SEC23A: variants seen among roughly 807,000 people sequenced by gnomAD.
SEC23A encodes the protein SEC23 homolog A, COPII component.
A neutral mutation model predicts 103.7 loss-of-function variants in SEC23A; 56 were observed. The observed-to-expected ratio is 0.54, with a 90% CI of 0.44 to 0.67. The LOEUF (loss-of-function observed/expected upper bound fraction) is 0.67. Ranked by LOEUF, SEC23A falls within the 30% of genes least tolerant of loss-of-function variation. The pLI is 0.00. For synonymous variants in SEC23A, 281 were observed against 293.0 expected, an observed-to-expected ratio of 0.96 and a Z score of 0.42; for missense variants, 784 against 936.4, an observed-to-expected ratio of 0.84 and a Z score of 2.12.
At chr14:39,047,816 T>C (rs1414861820) in intron 15 of SEC23A, among the ~76,000 whole-genome samples, 1 of 152,230 alleles carries the variant, frequency 6.6e-6, no homozygotes, top group Admixed American at 6.5e-5. Flanking sequence ...TAAAGTTCCC[T>C]GCACACAGCA....
chr14:39,072,869 T>G (rs778283662), intron 9 of SEC23A, among the ~76,000 whole-genome samples: 1 of 152,162 alleles, frequency 6.6e-6, no homozygotes, highest in Non-Finnish European at 1.5e-5. Context: ...GTGGAGAAAC[T>G]GGAATCCTCA....
chr14:39,071,041 A>G (rs1886825325), intron 9 of SEC23A, among the ~76,000 whole-genome samples: 2 of 152,146 alleles, frequency 1.3e-5, no homozygotes, highest in Admixed American at 6.5e-5. Flanking sequence ...AAAAGAAAAA[A>G]AAAAGACTAA....
Position 39,067,826 on chromosome 14 carries a change from G to A in SEC23A, c.1104-530C>T, listed in dbSNP as rs934060129. Among the ~76,000 whole-genome samples the A allele has an allele frequency of 3.3e-5, 5 of 151,662 alleles. No homozygotes were observed. In the East Asian group the frequency reaches 7.7e-4, roughly 23 times the overall value. ...GCTGGACTACAGGTTGCACCAACAC[G>A]CCCAGCTAATTTTTTTGTTTTTTTG... On this transcript the variant is annotated intron_variant, in intron 9 of 19. Coordinates refer to ENST00000307712, the MANE Select transcript of SEC23A (RefSeq NM_006364.4).
At chr14:39,054,861 A>G (rs984389024) in intron 14 of SEC23A, among the ~76,000 whole-genome samples, 3 of 152,252 alleles carry the variant, frequency 2.0e-5, no homozygotes, top group African/African-American at 4.8e-5. Context: ...ATATAGAATT[A>G]AATTGGGAAC....
intron 14 of SEC23A, among the ~76,000 whole-genome samples, chr14:39,053,361 A>G (rs1214136156): frequency 6.6e-6 from 1 of 152,148 alleles, no homozygotes; most frequent in African/African-American, 2.4e-5. Context: ...CTACAAAGAG[A>G]AACTTTTCTG....
intron 11 of SEC23A, among the ~76,000 whole-genome samples, chr14:39,064,132 T>A (rs547269400): frequency 1.3e-5 from 2 of 152,202 alleles, no homozygotes; most frequent in East Asian, 3.9e-4. Context: ...TACGAACACA[T>A]GTTCTCTGGA....
rs149313722 is a variant in SEC23A, at chr14:39,038,555, G to A, written c.2208+476C>T. On this transcript the variant is annotated intron_variant, in intron 19 of 19. Transcript: ENST00000307712. ...AGATGGAGTCTTGCTATGTTGCCCAGGCTGGTCTCAAACTCCTGGCCTCAA... is the reference window on the plus strand; with the variant it reads ...AGATGGAGTCTTGCTATGTTGCCCAAGCTGGTCTCAAACTCCTGGCCTCAA... Among the ~76,000 whole-genome samples the A allele has an allele frequency of 9.2e-4, 140 of 152,106 alleles. 1 individual carries two copies. Among genetic ancestry groups the A allele is most frequent in the African/African-American group, 3.0e-3 (126 of 41,482 alleles).
intron 9 of SEC23A, among the ~76,000 whole-genome samples, chr14:39,069,460 T>C (rs1464782623): frequency 3.3e-5 from 5 of 151,816 alleles, no homozygotes; most frequent in African/African-American, 1.2e-4. Context: ...TACATTCTCT[T>C]TATTATTATT....
intron 13 of SEC23A, among the ~76,000 whole-genome samples, chr14:39,057,677 T>C (rs761250232): frequency 6.6e-6 from 1 of 152,162 alleles, no homozygotes; most frequent in Non-Finnish European, 1.5e-5. Flanking sequence ...CAATAAAAGA[T>C]TTTTACAAGT....
intron 7 of SEC23A, 86 bp downstream of exon 7, chr14:39,085,676 T>A: frequency 1.4e-6 from 2 of 1,405,800 alleles, no homozygotes; most frequent in South Asian, 1.2e-5. Context: ...CTTCTTATCC[T>A]TATAATTATA....
chr14:39,039,291 CTT>C, intron 18 of SEC23A, 195 bp from the exon 19 acceptor site: 1 of 548,612 alleles, frequency 1.8e-6, no homozygotes, highest in Non-Finnish European at 3.1e-6. Context: ...AAATGCACCT[CTT>C]CTCTCCAAAT....
intron 18 of SEC23A, chr14:39,040,054 G>A (rs912848032): frequency 3.9e-5 from 6 of 152,154 alleles, no homozygotes. Flanking sequence ...CATAGTCCCT[G>A]CCTTCAAAGA....
intron 14 of SEC23A, among the ~76,000 whole-genome samples, chr14:39,053,149 G>A (rs1424869472): frequency 3.3e-5 from 5 of 151,992 alleles, no homozygotes; most frequent in Non-Finnish European, 7.4e-5. Context: ...ACAAAAAAAA[G>A]ATGTAGTCTG....
At chr14:39,090,576 A>G (rs1419227953) in intron 5 of SEC23A, among the ~76,000 whole-genome samples, 2 of 152,160 alleles carry the variant, frequency 1.3e-5, no homozygotes, top group South Asian at 4.1e-4. Context: ...AACTTCCCTC[A>G]CCAAACATAC....
intron 19 of SEC23A, among the ~76,000 whole-genome samples, chr14:39,037,994 T>C (rs531822898): frequency 1.3e-5 from 2 of 152,318 alleles, no homozygotes; most frequent in African/African-American, 4.8e-5. Context: ...GACTCAAATC[T>C]GCCCTCTGTC....
intron 5 of SEC23A, chr14:39,087,485 G>GT (rs1264121061): frequency 2.7e-5 from 5 of 187,460 alleles, no homozygotes; most frequent in African/African-American, 1.2e-4. Context: ...TGCAACAGTA[G>GT]TAAATGTTAG....
At chr14:39,091,835 G>T in intron 4 of SEC23A, 122 bp from the exon 5 acceptor site, 1 of 724,490 alleles carries the variant, frequency 1.4e-6, no homozygotes, top group Non-Finnish European at 2.4e-6. Context: ...TTTCAGAAAT[G>T]AAACAGGTTA....
chr14:39,092,090 A>T (rs907852033), intron 4 of SEC23A, among the ~76,000 whole-genome samples: 1 of 152,226 alleles, frequency 6.6e-6, no homozygotes, highest in Non-Finnish European at 1.5e-5. Context: ...TTTCTCTAAA[A>T]CATTCATAAA....
chr14:39,077,263 G>T (rs1251266556), intron 7 of SEC23A, among the ~76,000 whole-genome samples: 1 of 142,018 alleles, frequency 7.0e-6, no homozygotes, highest in Non-Finnish European at 1.5e-5. Flanking sequence ...AAAGAAAGAG[G>T]CCCGGCACGG....
Sources: gnomAD v4.1 joint callset for allele counts (sites outside exome capture counted in the v4.1 genomes callset) on GRCh38, gnomAD v4.1.1 for gene constraint, MANE v1.5 for transcripts, NCBI Gene and HGNC (gene_info 2026-07-23, HGNC 2026-07-21) for gene names.